Variants in TFAP2B observed in about 807,000 individuals in gnomAD.
TFAP2B encodes transcription factor AP-2-beta.
TFAP2B carries 9 observed loss-of-function variants against 44.3 expected under a neutral mutation model. That is an observed-to-expected ratio of 0.20 (90% CI 0.12 to 0.35). TFAP2B has a LOEUF of 0.35. Among genes scored for constraint, TFAP2B ranks in the 10% least tolerant of loss-of-function variants. TFAP2B has a pLI of 1.00. For missense variants in TFAP2B, 509 were observed against 600.0 expected (o/e 0.85, Z 1.59); for synonymous variants, 270 against 263.8 (o/e 1.02, Z -0.23).
At chr6:50,826,555 C>T (rs555392482) in intron 2 of TFAP2B, among the ~76,000 whole-genome samples, 1 of 150,506 alleles carries the variant, frequency 6.6e-6, no homozygotes, top group African/African-American at 2.4e-5. Flanking sequence ...ACATTTCACC[C>T]ATTGTGCATG....
intron 1 of TFAP2B, among the ~76,000 whole-genome samples, chr6:50,821,470 C>T (rs1018468991): frequency 6.6e-6 from 1 of 151,656 alleles, no homozygotes; most frequent in Non-Finnish European, 1.5e-5. Flanking sequence ...AGGGAAGTCT[C>T]TCTCCAGGTA....
rs1386814833 is a variant in TFAP2B, at chr6:50,822,066, G to A, written c.82-1341G>A. On this transcript the variant is annotated intron_variant, in intron 1 of 6. Coordinates refer to ENST00000393655, the MANE Select transcript of TFAP2B (RefSeq NM_003221.4). ...GCTCCTGTGTCCAGCTCGCTTCTCT[G>A]CTGGACTCCTTGATTTTTTTTTTAA... 2.5e-6 allele frequency: 3 copies of A among 1,198,482 alleles called. No individual in the cohort carries two copies. In the African/African-American group the frequency reaches 4.9e-5, roughly 20 times the overall value. 74.2% of individuals were successfully genotyped at this position (1,198,482 alleles called of 1,614,324 possible). A position where few individuals can be genotyped will look rare whatever the true frequency, so the allele number is the denominator to read the frequency against.
At chr6:50,819,582 C>G (rs1770265214) in intron 1 of TFAP2B, among the ~76,000 whole-genome samples, 2 of 152,210 alleles carry the variant, frequency 1.3e-5, no homozygotes, top group Non-Finnish European at 2.9e-5. Context: ...TGCGTCCGAA[C>G]AGAAATCGCA....
intron 3 of TFAP2B, 155 bp downstream of exon 3, chr6:50,828,834 T>C (rs1391984050): frequency 2.9e-6 from 1 of 340,500 alleles, no homozygotes; most frequent in African/African-American, 2.2e-5. Flanking sequence ...GGAAAGGGCA[T>C]GTTGGGAAGA....
At chr6:50,821,255 C>T (rs928162034) in intron 1 of TFAP2B, among the ~76,000 whole-genome samples, 64 of 152,334 alleles carry the variant, frequency 4.2e-4, no homozygotes, top group African/African-American at 1.5e-3. Flanking sequence ...AAAGGCTGCA[C>T]AGGAATGAAA....
At chr6:50,841,727 C>A (rs1305143985) in intron 6 of TFAP2B, among the ~76,000 whole-genome samples, 1 of 152,112 alleles carries the variant, frequency 6.6e-6, no homozygotes, top group African/African-American at 2.4e-5. Context: ...GTGTTTGAAC[C>A]CCACAGGTGT....
Position 50,823,468 on chromosome 6 carries a change from A to G in TFAP2B, c.143A>G (p.Gln48Arg). The change falls in exon 2 of 7, where the codon CAA (glutamine) becomes CGA (arginine). Residue 48 changes from glutamine to arginine, a missense_variant. Physicochemically the swap from Gln to Arg is conservative, Grantham distance 43. Transcript: ENST00000393655. ...CTCTCCCAGCTGGGCTCGGTGTCCCAAGGACCCTACTCGAGCGCCCCGCCG... is the reference window on the plus strand; with the variant it reads ...CTCTCCCAGCTGGGCTCGGTGTCCCGAGGACCCTACTCGAGCGCCCCGCCG... Reference protein sequence around the residue: ...SRLSQLGSVSQGPYSSAPPLS... With the variant: ...SRLSQLGSVSRGPYSSAPPLS... The G allele has an allele frequency of 6.2e-7, 1 of 1,611,380 alleles. No individual in the cohort carries two copies. Among genetic ancestry groups the G allele is most frequent in the East Asian group, 2.2e-5 (1 of 44,734 alleles).
intron 3 of TFAP2B, among the ~76,000 whole-genome samples, chr6:50,835,362 G>A (rs1299973720): frequency 1.3e-5 from 2 of 152,230 alleles, no homozygotes; most frequent in African/African-American, 2.4e-5. Context: ...TGCTTTCACT[G>A]AAGATGAGCA....
intron 2 of TFAP2B, among the ~76,000 whole-genome samples, chr6:50,824,575 T>C (rs1770451176): frequency 2.0e-5 from 3 of 152,330 alleles, no homozygotes; most frequent in East Asian, 1.9e-4. Flanking sequence ...CACTTTTTGG[T>C]TCATTAAGTG....
At position 50,836,263 on chromosome 6, in the gene TFAP2B, C is replaced by T. The variant is rs1315799881; in HGVS notation, c.804C>T (p.Leu268=). Residue 268 remains leucine, a synonymous_variant, in exon 4 of 7, where the codon CTC becomes CTT. Coordinates refer to ENST00000393655, the MANE Select transcript of TFAP2B (RefSeq NM_003221.4). Reference sequence around the variant, plus strand: ...CTGAATGCCTCAATGCATCTCTCCTCGGCGGAGTCCTCAGAAGGTAACCCC... The same window carrying T: ...CTGAATGCCTCAATGCATCTCTCCTTGGCGGAGTCCTCAGAAGGTAACCCC... The part of the protein sequence containing the change: ...SPPECLNASL[L]GGVLRRAKSK... 3.0e-5 allele frequency: 49 copies of T among 1,612,046 alleles called. No individual in the cohort carries two copies. The highest frequency in any genetic ancestry group is 3.7e-5 in the Non-Finnish European group (44 of 1,179,742).
At chr6:50,833,151 T>C (rs1762548728) in intron 3 of TFAP2B, among the ~76,000 whole-genome samples, 1 of 152,240 alleles carries the variant, frequency 6.6e-6, no homozygotes, top group Non-Finnish European at 1.5e-5. Context: ...CAGTCATCTC[T>C]GGGTTCCATG....
In TFAP2B at chr6:50,846,410, T is replaced by C. The variant is rs1762850457; in HGVS notation, c.*3018T>C. ...TTGCCTTTTAAGTCAAGGGAGACGTTTAAGGCAAGCCCCTTTGAGCTTTGT... is the reference window on the plus strand; with the variant it reads ...TTGCCTTTTAAGTCAAGGGAGACGTCTAAGGCAAGCCCCTTTGAGCTTTGT... On this transcript the variant is annotated 3_prime_UTR_variant, in exon 7 of 7. Coordinates refer to ENST00000393655, the MANE Select transcript of TFAP2B (RefSeq NM_003221.4). The C allele has an allele frequency of 6.6e-6, 1 of 152,636 alleles. No homozygotes were observed. Among genetic ancestry groups the C allele is most frequent in the Non-Finnish European group, 1.5e-5 (1 of 68,058 alleles). The allele number at this position is 152,636 out of a possible 1,614,324, so 9.5% of individuals were successfully genotyped here. A position where few individuals can be genotyped will look rare whatever the true frequency, so the allele number is the denominator to read the frequency against.
In TFAP2B at chr6:50,843,084, C is replaced by CT; in HGVS notation, c.1083-5dup. 2 of 1,614,254 alleles carry CT rather than the reference C, an allele frequency of 1.2e-6. No individual in the cohort carries two copies. On this transcript the variant is annotated splice_polypyrimidine_tract_variant and splice_region_variant and intron_variant, in intron 6 of 6. Coordinates refer to ENST00000393655, the MANE Select transcript of TFAP2B (RefSeq NM_003221.4). ...GTGATTTTCTGTGCCTCGCCCACCCCTTTGCAGGCAACTTTGTAAAGAATT... is the reference window on the plus strand; with the variant it reads ...GTGATTTTCTGTGCCTCGCCCACCCCTTTTGCAGGCAACTTTGTAAAGAATT...
At chr6:50,836,418 G>C in intron 4 of TFAP2B, 138 bp downstream of exon 4, 1 of 815,350 alleles carries the variant, frequency 1.2e-6, no homozygotes, top group Non-Finnish European at 2.0e-6. Context: ...CAACCGGGTG[G>C]CCGGAGCATT....
rs947400699 is a variant in TFAP2B, at chr6:50,846,105, A to G, written c.*2713A>G. The G allele has an allele frequency of 1.3e-5, 2 of 152,646 alleles. No individual in the cohort carries two copies. Among genetic ancestry groups the G allele is most frequent in the African/African-American group, 2.4e-5 (1 of 41,438 alleles). The allele number at this position is 152,646 out of a possible 1,614,324, so 9.5% of individuals were successfully genotyped here. On this transcript the variant is annotated 3_prime_UTR_variant, in exon 7 of 7. Transcript: ENST00000393655. ...TCCTAAAGCGGGGAGATGGGATGGG[A>G]ATTGTCTTACTTGGCAAGGCAGGGT...
intron 6 of TFAP2B, among the ~76,000 whole-genome samples, chr6:50,841,772 C>A (rs1404465653): frequency 2.6e-5 from 4 of 152,188 alleles, no homozygotes; most frequent in African/African-American, 9.7e-5. Flanking sequence ...TTAAAAACTG[C>A]CCCACTTTGG....
intron 6 of TFAP2B, 109 bp from the exon 7 acceptor site, chr6:50,842,983 T>A: frequency 6.9e-7 from 1 of 1,442,126 alleles, no homozygotes. Context: ...CACATTAGCC[T>A]CGCTCTTCGG....
chr6:50,821,035 C>T (rs1478715726), intron 1 of TFAP2B, among the ~76,000 whole-genome samples: 4 of 152,064 alleles, frequency 2.6e-5, no homozygotes, highest in Non-Finnish European at 1.5e-5. Context: ...ATCCGCAGCT[C>T]GGTGGAAGGA....
intron 1 of TFAP2B, among the ~76,000 whole-genome samples, chr6:50,819,612 T>A (rs1013796192): frequency 6.6e-6 from 1 of 152,216 alleles, no homozygotes; most frequent in Non-Finnish European, 1.5e-5. Flanking sequence ...TGTGTGGGCA[T>A]CTTTCACGGA....
Sources: gnomAD v4.1 joint callset for allele counts (sites outside exome capture counted in the v4.1 genomes callset) on GRCh38, gnomAD v4.1.1 for gene constraint, MANE v1.5 for transcripts, NCBI Gene and HGNC (gene_info 2026-07-23, HGNC 2026-07-21) for gene names.